The following TMIGD3 variants were observed in gnomAD, a reference collection of about 807,000 sequenced individuals.
The protein encoded by TMIGD3 is AD026 protein (AD026).
TMIGD3 carries 21 observed loss-of-function variants against 28.1 expected under a neutral mutation model. That is an observed-to-expected ratio of 0.75 (90% CI 0.53 to 1.08). TMIGD3 has a LOEUF of 1.08. Ranked by LOEUF, TMIGD3 falls within the 50% of genes least tolerant of loss-of-function variation. The pLI is 0.00. For synonymous variants in TMIGD3, 151 were observed against 162.1 expected, an observed-to-expected ratio of 0.93 and a Z score of 0.52; for missense variants, 416 against 435.6, an observed-to-expected ratio of 0.96 and a Z score of 0.40.
chr1:111,522,069 C>T (rs991616483), intron 1 of TMIGD3, among the ~76,000 whole-genome samples: 6 of 152,162 alleles, frequency 3.9e-5, no homozygotes, highest in Non-Finnish European at 7.3e-5. Context: ...TGACCATATA[C>T]GTATGGGTTT....
chr1:111,483,822 C>A, intron 5 of TMIGD3, 65 bp from the exon 6 acceptor site: 1 of 1,380,842 alleles, frequency 7.2e-7, no homozygotes, highest in South Asian at 1.2e-5. Context: ...AAGAGTGTTT[C>A]TGCAGCAAAA....
At chr1:111,519,823 G>C (rs528741617) in intron 1 of TMIGD3, among the ~76,000 whole-genome samples, 8 of 151,986 alleles carry the variant, frequency 5.3e-5, no homozygotes, top group African/African-American at 1.9e-4. Context: ...TTCCTGAGTA[G>C]CTGGGATTAC....
At chr1:111,500,926 T>TC (rs1219890532) in intron 1 of TMIGD3, 26 of 334,022 alleles carry the variant, frequency 7.8e-5, no homozygotes, top group South Asian at 2.2e-4. Flanking sequence ...TTTTTCTTTT[T>TC]TTTTTTAACT....
chr1:111,500,448 C>T, intron 1 of TMIGD3: 1 of 1,614,190 alleles, frequency 6.2e-7, no homozygotes, highest in Non-Finnish European at 8.5e-7. Context: ...ACTCTGAGGT[C>T]AGTTTCATGT....
intron 1 of TMIGD3, among the ~76,000 whole-genome samples, chr1:111,544,408 C>G (rs1254503613): frequency 6.6e-6 from 1 of 152,168 alleles, no homozygotes; most frequent in Non-Finnish European, 1.5e-5. Flanking sequence ...CAATCTGTCT[C>G]TATGGATTTG....
chr1:111,562,065 C>A (rs1486764686), intron 1 of TMIGD3, among the ~76,000 whole-genome samples: 1 of 152,176 alleles, frequency 6.6e-6, no homozygotes, highest in Non-Finnish European at 1.5e-5. Flanking sequence ...ACAGCCACCC[C>A]ACCCTGTGAT....
In TMIGD3 at chr1:111,484,055, G is replaced by A. The variant is rs540290380; in HGVS notation, c.974-298C>T. On this transcript the variant is annotated intron_variant, in intron 5 of 5. Transcript: ENST00000369716. ...TCAGGCTGCCACATTTCATCTGCCC[G>A]AGTTTGAGGAAGCAGGCCATGGCTA... 3.5e-4 allele frequency among the ~76,000 whole-genome samples: 54 copies of A among 152,324 alleles called. 1 individual carries two copies. The highest frequency in any genetic ancestry group is 3.0e-3 in the Admixed American group (46 of 15,304).
chr1:111,516,088 T>G (rs1655856682), intron 1 of TMIGD3, among the ~76,000 whole-genome samples: 1 of 152,224 alleles, frequency 6.6e-6, no homozygotes, highest in East Asian at 1.9e-4. Flanking sequence ...GCCCCCTGCC[T>G]GCCAGGACAG....
intron 5 of TMIGD3, among the ~76,000 whole-genome samples, 195 bp from the exon 6 acceptor site, chr1:111,483,952 C>T (rs1020184669): frequency 1.3e-5 from 2 of 152,196 alleles, no homozygotes; most frequent in African/African-American, 4.8e-5. Flanking sequence ...AGGCTTGGTA[C>T]ACAGGGCTTG....
At position 111,532,977 on chromosome 1, in the gene TMIGD3, G is replaced by A. The variant is rs114327635; in HGVS notation, c.107+30869C>T. On this transcript the variant is annotated intron_variant, in intron 1 of 5. Transcript: ENST00000369717. ...CTGTTTATCCACACTGCTCTGTAGA[G>A]GGGAGGAACAATCTGTCTTTGCCTT... 6.1e-3 allele frequency among the ~76,000 whole-genome samples: 932 copies of A among 152,294 alleles called. 10 individuals carry two copies. Among genetic ancestry groups the A allele is most frequent in the African/African-American group, 0.022 (894 of 41,560 alleles).
At chr1:111,529,484 T>A (rs1316894638) in intron 1 of TMIGD3, among the ~76,000 whole-genome samples, 1 of 149,142 alleles carries the variant, frequency 6.7e-6, no homozygotes, top group African/African-American at 2.5e-5. Flanking sequence ...TGAACAAAGG[T>A]CTCTGGTTTT....
chr1:111,493,286 G>A (rs1419682482), intron 1 of TMIGD3, among the ~76,000 whole-genome samples: 1 of 152,172 alleles, frequency 6.6e-6, no homozygotes, highest in Non-Finnish European at 1.5e-5. Context: ...GATCCCTCAT[G>A]AATGTCTTGG....
intron 1 of TMIGD3, among the ~76,000 whole-genome samples, chr1:111,531,243 A>T (rs1656448150): frequency 6.6e-6 from 1 of 151,952 alleles, no homozygotes; most frequent in African/African-American, 2.4e-5. Flanking sequence ...ATGCCACTGA[A>T]TTCCAGCCTG....
intron 1 of TMIGD3, among the ~76,000 whole-genome samples, chr1:111,530,217 C>T (rs1344532131): frequency 6.6e-6 from 1 of 152,032 alleles, no homozygotes; most frequent in African/African-American, 2.4e-5. Context: ...AATATTATAC[C>T]ATTTCACACA....
At chr1:111,517,022 A>G (rs375115234) in intron 1 of TMIGD3, among the ~76,000 whole-genome samples, 3 of 152,086 alleles carry the variant, frequency 2.0e-5, no homozygotes, top group Non-Finnish European at 4.4e-5. Context: ...TCAGTCCCAG[A>G]CTATTATGGC....
intron 1 of TMIGD3, among the ~76,000 whole-genome samples, chr1:111,497,116 C>CT (rs1264122892): frequency 6.6e-6 from 1 of 152,096 alleles, no homozygotes; most frequent in Non-Finnish European, 1.5e-5. Flanking sequence ...ACTAATCTCT[C>CT]TTTTTTGTTT....
chr1:111,531,950 A>G (rs1252106483), intron 1 of TMIGD3, among the ~76,000 whole-genome samples: 1 of 152,172 alleles, frequency 6.6e-6, no homozygotes, highest in Non-Finnish European at 1.5e-5. Context: ...AAAGAAAAAC[A>G]AAGGAAAAAA....
chr1:111,543,634 AGGAAGAGAAGGAGGAATAGGAGG>A (rs1656927501), intron 1 of TMIGD3, among the ~76,000 whole-genome samples: 1 of 148,970 alleles, frequency 6.7e-6, no homozygotes, highest in Admixed American at 6.7e-5. Flanking sequence ...GAATAGGAGG[AGGAAGAGAAGGAGGAATAGGAGG>A]AGGAAGAAGA....
At chr1:111,504,069 A>G, upstream of TMIGD3, 1 of 985,450 alleles carries the variant, frequency 1.0e-6, no homozygotes, top group Non-Finnish European at 1.2e-6. Context: ...AAGTTCTTGC[A>G]CGAGTTGACG....
Sources: allele counts gnomAD v4.1 joint callset (sites outside exome capture counted in the v4.1 genomes callset), GRCh38; gene constraint gnomAD v4.1.1; transcripts MANE v1.5; gene names NCBI Gene and HGNC (gene_info 2026-07-23, HGNC 2026-07-21).